The following CRACD variants were observed in gnomAD, a reference collection of about 807,000 sequenced individuals.
CRACD encodes the protein capping protein-inhibiting regulator of actin dynamics.
A neutral mutation model predicts 106.8 loss-of-function variants in CRACD; 56 were observed. That is an observed-to-expected ratio of 0.52 (90% CI 0.42 to 0.66). The LOEUF is 0.66. CRACD is among the 30% of genes least tolerant of loss of function. CRACD has a pLI of 0.00. For synonymous variants in CRACD, 754 were observed against 670.8 expected (o/e 1.12, Z -1.92); for missense variants, 1,730 against 1,623.2 (o/e 1.07, Z -1.13).
At chr4:56,159,587 G>A (rs1315832170) in intron 1 of CRACD, among the ~76,000 whole-genome samples, 1 of 152,102 alleles carries the variant, frequency 6.6e-6, no homozygotes, top group Admixed American at 6.5e-5. Context: ...AGGAGATGGA[G>A]CTTGCAGTGA....
intron 2 of CRACD, among the ~76,000 whole-genome samples, chr4:56,209,453 T>A (rs1219443393): frequency 1.3e-5 from 2 of 152,168 alleles, no homozygotes; most frequent in Non-Finnish European, 2.9e-5. Context: ...GAATTGTTTT[T>A]CTTACATCTA....
chr4:56,123,750 C>A (rs28421026), intron 1 of CRACD, among the ~76,000 whole-genome samples: 20 of 152,184 alleles, frequency 1.3e-4, no homozygotes, highest in African/African-American at 3.9e-4. Context: ...TAGTACCCCC[C>A]CTACACTGTC....
chr4:56,222,631 G>A lies in CRACD; in HGVS notation c.-189+43201G>A, dbSNP rs146426312. 2.6e-3 allele frequency among the ~76,000 whole-genome samples: 402 copies of A among 151,958 alleles called. 2 individuals are homozygous for A. The highest frequency in any genetic ancestry group is 8.6e-3 in the African/African-American group (358 of 41,428). On this transcript the variant is annotated intron_variant, in intron 2 of 10. Transcript: ENST00000682029. ...TAACTTTGAATTTTTTCACCTCTGG[G>A]AATATCTTACCTGTTTAAAAATTAA... is the stretch of plus-strand genomic sequence containing the variant.
chr4:56,252,177 T>A (rs1741093304), intron 2 of CRACD, among the ~76,000 whole-genome samples: 1 of 152,174 alleles, frequency 6.6e-6, no homozygotes, highest in Admixed American at 6.5e-5. Flanking sequence ...TTAAGATTCC[T>A]CTTAGTCCAA....
At chr4:56,093,458 C>T (rs561183599) in intron 1 of CRACD, among the ~76,000 whole-genome samples, 1 of 152,102 alleles carries the variant, frequency 6.6e-6, no homozygotes, top group African/African-American at 2.4e-5. Flanking sequence ...ATAATTATTT[C>T]CGTTTTACAA....
chr4:56,243,248 G>T (rs1046279994), intron 2 of CRACD, among the ~76,000 whole-genome samples: 3 of 152,176 alleles, frequency 2.0e-5, no homozygotes, highest in Admixed American at 6.5e-5. Flanking sequence ...TCAAGAGTAG[G>T]CTGTGGATGT....
At chr4:56,282,750 A>C (rs11729321) in intron 3 of CRACD, among the ~76,000 whole-genome samples, 1 of 152,214 alleles carries the variant, frequency 6.6e-6, no homozygotes, top group African/African-American at 2.4e-5. Flanking sequence ...GATGACAAAG[A>C]CCACAGACAG....
At chr4:56,301,593 A>G (rs1744372079) in intron 4 of CRACD, among the ~76,000 whole-genome samples, 1 of 152,036 alleles carries the variant, frequency 6.6e-6, no homozygotes, top group South Asian at 2.1e-4. Context: ...GGCTTAAGAA[A>G]CTTCCCAGCC....
rs967355072 is a variant in CRACD at position 56,271,725 on chromosome 4, T to C, written c.-188-596T>C. 3.3e-5 allele frequency among the ~76,000 whole-genome samples: 5 copies of C among 152,196 alleles called. No individual in the cohort carries two copies. The East Asian group carries it at 9.6e-4, about 29-fold the overall frequency. On this transcript the variant is annotated intron_variant, in intron 2 of 10. Transcript: ENST00000682029. ...TGGCCACCATGAAGCTTGAAATCTT[T>C]TCTTTTTCTTTTTTATTTTATTTAT...
chr4:56,317,415 G>A (rs1398376544), intron 8 of CRACD, among the ~76,000 whole-genome samples: 2 of 152,162 alleles, frequency 1.3e-5, no homozygotes, highest in Admixed American at 1.3e-4. Context: ...CAGTGTGTCT[G>A]CAGTTCACTC....
intron 1 of CRACD, among the ~76,000 whole-genome samples, chr4:56,096,586 C>T (rs949783826): frequency 8.6e-5 from 13 of 151,844 alleles, no homozygotes; most frequent in African/African-American, 3.1e-4. Context: ...TGGTGGAGTG[C>T]ACCTATAGTA....
intron 3 of CRACD, among the ~76,000 whole-genome samples, chr4:56,282,587 C>G (rs1424328214): frequency 6.6e-6 from 1 of 152,138 alleles, no homozygotes; most frequent in African/African-American, 2.4e-5. Context: ...TTCCAAGTTC[C>G]AAGGTTGGTT....
At chr4:56,232,698 A>ATCTTTATTTATT (rs1739694658) in intron 2 of CRACD, among the ~76,000 whole-genome samples, 1 of 88,268 alleles carries the variant, frequency 1.1e-5, no homozygotes, top group African/African-American at 4.5e-5. Flanking sequence ...TAAAACATGT[A>ATCTTTATTTATT]TCTTTATTTA....
chr4:56,130,250 C>T (rs980892541), intron 1 of CRACD, among the ~76,000 whole-genome samples: 2 of 151,952 alleles, frequency 1.3e-5, no homozygotes, highest in East Asian at 3.9e-4. Context: ...GGTGACAGAG[C>T]AAAACCCTGT....
chr4:56,128,856 A>G (rs1043458280), intron 1 of CRACD, among the ~76,000 whole-genome samples: 4 of 152,192 alleles, frequency 2.6e-5, no homozygotes, highest in African/African-American at 9.6e-5. Context: ...ATAGTTTAAA[A>G]TCAATAATAA....
intron 3 of CRACD, among the ~76,000 whole-genome samples, chr4:56,287,409 A>T (rs1322472881): frequency 2.0e-5 from 3 of 151,904 alleles, no homozygotes; most frequent in Admixed American, 6.6e-5. Flanking sequence ...CAGCCTCCTG[A>T]GTAGCTGGGA....
intron 1 of CRACD, among the ~76,000 whole-genome samples, chr4:56,129,265 C>T (rs1045020383): frequency 1.3e-5 from 2 of 152,162 alleles, no homozygotes; most frequent in South Asian, 4.1e-4. Context: ...ATGGGGGCTC[C>T]CTAGGTTGCC....
At chr4:56,227,167 T>C (rs1739347450) in intron 2 of CRACD, among the ~76,000 whole-genome samples, 1 of 152,214 alleles carries the variant, frequency 6.6e-6, no homozygotes, top group Non-Finnish European at 1.5e-5. Flanking sequence ...GTGAGAGATG[T>C]ACTTTTGTTA....
chr4:56,214,652 ACTCTCT>A lies in CRACD; in HGVS notation c.-189+35247_-189+35252del, dbSNP rs572003455. Among the ~76,000 whole-genome samples the A allele has an allele frequency of 1.2e-3, 120 of 101,872 alleles. 8 individuals carry two copies. The East Asian group carries it at 0.028, about 24-fold the overall frequency. The allele number at this position is 101,872 out of a possible 152,430, so 66.8% of individuals were successfully genotyped here. The stretch of plus-strand genomic sequence containing the variant: ...CTCCAGCCTGGCGACAGAGCTAGAC[ACTCTCT>A]CTCTCTCTCTCTCTCTCTCTCTCTA... On this transcript the variant is annotated intron_variant, in intron 2 of 10. Transcript: ENST00000682029.
Sources: allele counts gnomAD v4.1 joint callset (sites outside exome capture counted in the v4.1 genomes callset), GRCh38; gene constraint gnomAD v4.1.1; transcripts MANE v1.5; gene names NCBI Gene and HGNC (gene_info 2026-07-23, HGNC 2026-07-21).